PPARGC1A: variants seen among roughly 807,000 people sequenced by gnomAD.
PPARGC1A encodes peroxisome proliferator-activated receptor gamma coactivator 1-alpha.
PPARGC1A carries 25 observed loss-of-function variants against 88.7 expected under a neutral mutation model. The ratio of observed to expected loss-of-function variants is 0.28; its 90% confidence interval spans 0.21 to 0.39. The LOEUF (loss-of-function observed/expected upper bound fraction) is 0.39, where lower values mean the gene tolerates loss of function less well. Ranked by LOEUF, PPARGC1A falls within the 10% of genes least tolerant of loss-of-function variation. The pLI, the probability that PPARGC1A is intolerant of heterozygous loss-of-function variation, is 1.00. For synonymous variants in PPARGC1A, 363 were observed against 355.6 expected, an observed-to-expected ratio of 1.02 and a Z score of -0.24; for missense variants, 880 against 968.7, an observed-to-expected ratio of 0.91 and a Z score of 1.22.
the PPARGC1A span, among the ~76,000 whole-genome samples, chr4:24,397,721 A>G: frequency 1.3e-5 from 2 of 152,152 alleles, no homozygotes; most frequent in African/African-American, 4.8e-5. Context: ...ACAACCTCCA[A>G]CCTTTTTGAG....
At chr4:24,116,094 A>G in the PPARGC1A span, among the ~76,000 whole-genome samples, 1 of 152,208 alleles carries the variant, frequency 6.6e-6, no homozygotes, top group Non-Finnish European at 1.5e-5. Flanking sequence ...GTGCATTTAA[A>G]TATCCTAAGC....
At chr4:24,305,916 T>C in the PPARGC1A span, among the ~76,000 whole-genome samples, 1 of 152,212 alleles carries the variant, frequency 6.6e-6, no homozygotes, top group Non-Finnish European at 1.5e-5. Context: ...ATTGAAAGGA[T>C]ATCTAGCTGG....
chr4:23,813,301 G>A (rs981847841), intron 8 of PPARGC1A, among the ~76,000 whole-genome samples, 176 bp from the exon 9 acceptor site: 1 of 152,140 alleles, frequency 6.6e-6, no homozygotes, highest in Non-Finnish European at 1.5e-5. Context: ...TAGAGGGCTG[G>A]GAGTGATGTG....
At chr4:24,068,591 TTGTG>T in the PPARGC1A span, among the ~76,000 whole-genome samples, 1 of 152,088 alleles carries the variant, frequency 6.6e-6, no homozygotes, top group African/African-American at 2.4e-5. Context: ...CATTCAGGGT[TTGTG>T]TGTGTATATG....
chr4:24,016,724 T>C, the PPARGC1A span, among the ~76,000 whole-genome samples: 1 of 152,210 alleles, frequency 6.6e-6, no homozygotes, highest in African/African-American at 2.4e-5. Flanking sequence ...CAAATTGAGA[T>C]AAAATTTGTT....
At chr4:23,828,654 C>T in intron 4 of PPARGC1A, 50 bp from the exon 5 acceptor site, 1 of 1,539,644 alleles carries the variant, frequency 6.5e-7, no homozygotes, top group Non-Finnish European at 9.0e-7. Context: ...TGAACCTTAT[C>T]AGAATGGATA....
At chr4:24,053,415 G>T in the PPARGC1A span, among the ~76,000 whole-genome samples, 1 of 152,154 alleles carries the variant, frequency 6.6e-6, no homozygotes, top group Admixed American at 6.5e-5. Flanking sequence ...GGTGAAAGTT[G>T]CATGCATAAA....
chr4:23,960,429 C>T, the PPARGC1A span, among the ~76,000 whole-genome samples: 7 of 152,086 alleles, frequency 4.6e-5, no homozygotes, highest in African/African-American at 1.7e-4. Context: ...AGAAACCCTT[C>T]TCTAGAACAT....
At chr4:24,173,338 CAAAAAA>C in the PPARGC1A span, among the ~76,000 whole-genome samples, 6 of 117,580 alleles carry the variant, frequency 5.1e-5, no homozygotes, top group Admixed American at 8.7e-5. Context: ...CTTTCCCCAC[CAAAAAA>C]AAAAAAAAAA....
chr4:23,910,525 C>T, the PPARGC1A span, among the ~76,000 whole-genome samples: 1 of 145,088 alleles, frequency 6.9e-6, no homozygotes, highest in African/African-American at 2.6e-5. Flanking sequence ...ACTGCCACCT[C>T]CGCCTCCCGA....
rs182432373 is a variant in PPARGC1A, at chr4:23,849,422, T to C, written c.235-17671A>G. 3.9e-5 allele frequency among the ~76,000 whole-genome samples: 6 copies of C among 152,324 alleles called. No homozygotes were observed. In the East Asian group the frequency reaches 1.2e-3, roughly 29 times the overall value. On this transcript the variant is annotated intron_variant, in intron 2 of 12. Transcript: ENST00000264867. ...TGAATACATGGCCTTTCTACTTACA[T>C]AATAAATTGACTATCGCATAGCTGA...
chr4:23,835,226 A>T (rs1725783013), intron 2 of PPARGC1A, among the ~76,000 whole-genome samples: 1 of 152,232 alleles, frequency 6.6e-6, no homozygotes, highest in South Asian at 2.1e-4. Context: ...AGTGTAAACA[A>T]ACTATGATAA....
the PPARGC1A span, among the ~76,000 whole-genome samples, chr4:24,044,341 TC>T: frequency 6.6e-6 from 1 of 152,172 alleles, no homozygotes; most frequent in East Asian, 1.9e-4. Context: ...CCGATTCTAA[TC>T]TGAGTTGTAC....
At chr4:24,095,920 G>C in the PPARGC1A span, among the ~76,000 whole-genome samples, 1 of 152,092 alleles carries the variant, frequency 6.6e-6, no homozygotes, top group Non-Finnish European at 1.5e-5. Context: ...CCTCTTAAAG[G>C]CCTCACCTCT....
the PPARGC1A span, among the ~76,000 whole-genome samples, chr4:24,180,191 C>A: frequency 1.3e-5 from 2 of 152,070 alleles, no homozygotes; most frequent in Non-Finnish European, 2.9e-5. Flanking sequence ...TGAATTAGCC[C>A]AATATTCTCC....
the PPARGC1A span, among the ~76,000 whole-genome samples, chr4:24,227,971 T>C: frequency 6.6e-6 from 1 of 152,202 alleles, no homozygotes; most frequent in African/African-American, 2.4e-5. Flanking sequence ...TCTTTCCCCA[T>C]CCGATTATAG....
At chr4:24,321,897 T>C in the PPARGC1A span, among the ~76,000 whole-genome samples, 2 of 152,150 alleles carry the variant, frequency 1.3e-5, no homozygotes, top group African/African-American at 4.8e-5. Context: ...GGAGCAACTC[T>C]GGACTTGTTC....
the PPARGC1A span, among the ~76,000 whole-genome samples, chr4:24,416,860 G>A: frequency 1.3e-3 from 197 of 152,140 alleles, 1 homozygote; most frequent in Admixed American, 4.5e-3. Context: ...GCCAAACCCC[G>A]TCTCTACTAA....
At chr4:24,142,909 C>A in the PPARGC1A span, among the ~76,000 whole-genome samples, 1 of 149,414 alleles carries the variant, frequency 6.7e-6, no homozygotes, top group Non-Finnish European at 1.5e-5. Flanking sequence ...CTGAGCCTGG[C>A]GCATAGCTGA....
Sources: allele counts gnomAD v4.1 joint callset (sites outside exome capture counted in the v4.1 genomes callset), GRCh38; gene constraint gnomAD v4.1.1; transcripts MANE v1.5; gene names NCBI Gene and HGNC (gene_info 2026-07-23, HGNC 2026-07-21).